The following ARHGAP6 variants were observed in gnomAD, a reference collection of about 807,000 sequenced individuals.
ARHGAP6 encodes Rho GTPase activating protein 6, also known as rho GTPase-activating protein 6.
A neutral mutation model predicts 55.7 loss-of-function variants in ARHGAP6; 16 were observed. The ratio of observed to expected loss-of-function variants is 0.29; its 90% CI spans 0.19 to 0.44. ARHGAP6 has a LOEUF of 0.44. Among genes scored for constraint, ARHGAP6 ranks in the 20% least tolerant of loss-of-function variants. The probability of loss-of-function intolerance (pLI) is 1.00; values close to 1 mark genes in which losing one functional copy is unlikely to be tolerated. For synonymous variants in ARHGAP6, 382 were observed against 360.9 expected (o/e 1.06, Z -0.66); for missense variants, 698 against 808.9 (o/e 0.86, Z 1.66).
intron 1 of ARHGAP6, among the ~76,000 whole-genome samples, chrX:11,652,477 G>A (rs2052594711): frequency 8.9e-6 from 1 of 111,852 alleles, no homozygotes; most frequent in Non-Finnish European, 1.9e-5. Context: ...ACCTTTGGGG[G>A]CAAGAGTTTA....
At position 11,458,722 on chromosome X, in the gene ARHGAP6, A is replaced by ATGTGC. The variant is rs1247016439; in HGVS notation, c.589-204020_589-204016dup. Among the ~76,000 whole-genome samples, 3 of 112,162 alleles carry ATGTGC rather than the reference A, an allele frequency of 2.7e-5. No homozygotes were observed. The Admixed American group carries it at 2.9e-4, about 11-fold the overall frequency. On this transcript the variant is annotated intron_variant, in intron 1 of 12. Coordinates refer to ENST00000337414, the MANE Select transcript of ARHGAP6 (RefSeq NM_013427.3). Reference sequence around the variant, plus strand: ...AGCATGTATTTCCTGAGCGCTGATCATGTGCTAGGCATTGTTCTAAGAGCC... The same window carrying ATGTGC: ...AGCATGTATTTCCTGAGCGCTGATCATGTGCTGTGCTAGGCATTGTTCTAAGAGCC...
intron 1 of ARHGAP6, among the ~76,000 whole-genome samples, chrX:11,471,254 A>G (rs778325292): frequency 1.8e-3 from 198 of 112,274 alleles, no homozygotes; most frequent in Non-Finnish European, 3.3e-3. Context: ...CAATTGTAAA[A>G]TAACCAGAAA....
intron 1 of ARHGAP6, among the ~76,000 whole-genome samples, chrX:11,329,741 G>A (rs1377890123): frequency 8.9e-6 from 1 of 112,113 alleles, no homozygotes; most frequent in East Asian, 2.8e-4. Context: ...AGTGGACCAC[G>A]AAGTGAACAT....
At chrX:11,222,980 C>A (rs1257255316) in intron 2 of ARHGAP6, among the ~76,000 whole-genome samples, 3 of 111,797 alleles carry the variant, frequency 2.7e-5, no homozygotes, top group Non-Finnish European at 5.7e-5. Flanking sequence ...ATTATTAATA[C>A]CTGAAAGGTT....
intron 8 of ARHGAP6, among the ~76,000 whole-genome samples, chrX:11,177,571 A>T (rs2046249915): frequency 9.0e-6 from 1 of 111,611 alleles, no homozygotes; most frequent in Admixed American, 9.5e-5. Flanking sequence ...GCATCGAGCA[A>T]GTCCCTGTTT....
chrX:11,535,243 T>C (rs1344256009), intron 1 of ARHGAP6, among the ~76,000 whole-genome samples: 2 of 111,629 alleles, frequency 1.8e-5, no homozygotes, highest in Non-Finnish European at 3.8e-5. Flanking sequence ...TCTGCCCCCA[T>C]TACCCATAGA....
intron 1 of ARHGAP6, among the ~76,000 whole-genome samples, chrX:11,429,679 G>A (rs1456232020): frequency 9.0e-6 from 1 of 111,705 alleles, no homozygotes; most frequent in Non-Finnish European, 1.9e-5. Flanking sequence ...TAGGAGAAAT[G>A]AGCATGCCCA....
chrX:11,470,375 C>T (rs2050336200), intron 1 of ARHGAP6, among the ~76,000 whole-genome samples: 1 of 111,873 alleles, frequency 8.9e-6, no homozygotes, highest in Non-Finnish European at 1.9e-5. Context: ...CACCAAGAGC[C>T]TCTGGGCATA....
chrX:11,663,779 ACACT>A (rs994455900), intron 1 of ARHGAP6, among the ~76,000 whole-genome samples: 4 of 112,243 alleles, frequency 3.6e-5, no homozygotes, highest in African/African-American at 1.3e-4. Context: ...ACACACACAC[ACACT>A]CACTCATACA....
intron 1 of ARHGAP6, among the ~76,000 whole-genome samples, chrX:11,363,087 C>T (rs2049033024): frequency 8.9e-6 from 1 of 111,811 alleles, no homozygotes; most frequent in African/African-American, 3.3e-5. Context: ...TTTCCAACAG[C>T]ATCATTTCTG....
chrX:11,462,536 C>T (rs1404131336), intron 1 of ARHGAP6, among the ~76,000 whole-genome samples: 1 of 112,089 alleles, frequency 8.9e-6, no homozygotes. Context: ...AACATAGCAG[C>T]GATTTTGTAG....
intron 1 of ARHGAP6, among the ~76,000 whole-genome samples, chrX:11,265,014 C>A (rs968833113): frequency 1.2e-4 from 14 of 112,053 alleles, no homozygotes; most frequent in African/African-American, 4.5e-4. Flanking sequence ...GACTCATAAC[C>A]ACTATATGTA....
At chrX:11,588,460 T>G (rs2051762226) in intron 1 of ARHGAP6, among the ~76,000 whole-genome samples, 1 of 112,024 alleles carries the variant, frequency 8.9e-6, no homozygotes, top group East Asian at 2.8e-4. Context: ...ACCCAAAAAC[T>G]TATACATAAA....
At chrX:11,494,708 T>C (rs1267611143) in intron 1 of ARHGAP6, among the ~76,000 whole-genome samples, 1 of 111,911 alleles carries the variant, frequency 8.9e-6, no homozygotes, top group Admixed American at 9.4e-5. Context: ...GGAACCCTCA[T>C]AGTCTAAGGT....
intron 5 of ARHGAP6, among the ~76,000 whole-genome samples, chrX:11,183,107 G>T (rs1455333224): frequency 9.0e-6 from 1 of 111,224 alleles, no homozygotes; most frequent in Non-Finnish European, 1.9e-5. Flanking sequence ...AGGGACAAAA[G>T]ACTACAAATT....
At chrX:11,268,310 G>A (rs892503144) in intron 1 of ARHGAP6, among the ~76,000 whole-genome samples, 6 of 111,935 alleles carry the variant, frequency 5.4e-5, no homozygotes, top group African/African-American at 1.9e-4. Context: ...CTGGTATCCA[G>A]TGCGGTGTGC....
chrX:11,472,254 A>G (rs983831886), intron 1 of ARHGAP6, among the ~76,000 whole-genome samples: 3 of 111,601 alleles, frequency 2.7e-5, no homozygotes, highest in Non-Finnish European at 5.7e-5. Flanking sequence ...AGAACAAAAA[A>G]ATCTCCAGAT....
chrX:11,640,080 G>A (rs2052458670), intron 1 of ARHGAP6, among the ~76,000 whole-genome samples: 1 of 111,425 alleles, frequency 9.0e-6, no homozygotes, highest in Non-Finnish European at 1.9e-5. Context: ...TTTATTCAAT[G>A]TGTTCTCTTA....
chrX:11,563,102 C>G (rs948416542), intron 1 of ARHGAP6, among the ~76,000 whole-genome samples: 1 of 110,671 alleles, frequency 9.0e-6, no homozygotes, highest in African/African-American at 3.3e-5. Flanking sequence ...ATAATTATAA[C>G]CACACATTAC....
Sources: allele counts gnomAD v4.1 joint callset (sites outside exome capture counted in the v4.1 genomes callset), GRCh38; gene constraint gnomAD v4.1.1; transcripts MANE v1.5; gene names NCBI Gene and HGNC (gene_info 2026-07-23, HGNC 2026-07-21).